The following SLCO3A1 variants were observed in gnomAD, a reference collection of about 807,000 sequenced individuals.
The protein encoded by SLCO3A1 is solute carrier organic anion transporter family member 3A1.
In SLCO3A1, 27 loss-of-function variants were observed where a neutral mutation model predicts 63.1. That is an observed-to-expected ratio of 0.43 (90% confidence interval 0.32 to 0.59). The LOEUF (loss-of-function observed/expected upper bound fraction) is 0.59, where lower values mean the gene tolerates loss of function less well. Ranked by LOEUF, SLCO3A1 falls within the 20% of genes least tolerant of loss-of-function variation. The probability of loss-of-function intolerance (pLI) is 0.09; values close to 1 mark genes in which losing one functional copy is unlikely to be tolerated. For synonymous variants in SLCO3A1, 473 were observed against 409.9 expected, an observed-to-expected ratio of 1.15 and a Z score of -1.86; for missense variants, 773 against 945.8, an observed-to-expected ratio of 0.82 and a Z score of 2.40.
At chr15:92,013,286 C>T (rs887088360) in intron 2 of SLCO3A1, among the ~76,000 whole-genome samples, 1 of 152,200 alleles carries the variant, frequency 6.6e-6, no homozygotes, top group African/African-American at 2.4e-5. Flanking sequence ...TATCTCATTT[C>T]GTGGATGAAT....
chr15:92,141,683 G>T (rs961356420), intron 7 of SLCO3A1, among the ~76,000 whole-genome samples: 7 of 152,122 alleles, frequency 4.6e-5, no homozygotes, highest in Non-Finnish European at 7.3e-5. Flanking sequence ...TCATCTCTCT[G>T]CACTCTGGGA....
At position 92,017,275 on chromosome 15, in the gene SLCO3A1, G is replaced by C. The variant is rs536774088; in HGVS notation, c.647-77606G>C. Among the ~76,000 whole-genome samples the C allele has an allele frequency of 3.4e-5, 5 of 149,086 alleles. No homozygotes were observed. In the South Asian group the frequency reaches 1.0e-3, roughly 31 times the overall value. ...GAATGTTGTTTCCATTGAGTTGGAG[G>C]AGCTGGGATTGGGGGGGGGTAGGGA... On this transcript the variant is annotated intron_variant, in intron 2 of 9. Transcript: ENST00000318445.
chr15:91,990,066 C>T (rs768094455), intron 2 of SLCO3A1, among the ~76,000 whole-genome samples: 30 of 152,158 alleles, frequency 2.0e-4, no homozygotes, highest in South Asian at 2.1e-4. Context: ...TTCTATCCTT[C>T]GCATACCATA....
At chr15:91,991,108 G>A (rs1490947612) in intron 2 of SLCO3A1, among the ~76,000 whole-genome samples, 3 of 152,168 alleles carry the variant, frequency 2.0e-5, no homozygotes, top group Admixed American at 6.5e-5. Context: ...AATGGCTCAC[G>A]CCTGTAATCC....
rs183110436 is a variant in SLCO3A1 at position 92,091,524 on chromosome 15, G to A, written c.647-3357G>A. On this transcript the variant is annotated intron_variant, in intron 2 of 9. Coordinates refer to ENST00000318445, the MANE Select transcript of SLCO3A1 (RefSeq NM_013272.4). ...CCAAGGAAGAAAGCTCAGCATAACC[G>A]TTGTTAGCTCAGAACCTGCCTTGCA... is the stretch of plus-strand genomic sequence containing the variant. Among the ~76,000 whole-genome samples the A allele has an allele frequency of 6.6e-5, 10 of 152,302 alleles. No homozygotes were observed. The East Asian group carries it at 7.7e-4, about 12-fold the overall frequency.
chr15:92,026,712 G>T (rs996778626), intron 2 of SLCO3A1, among the ~76,000 whole-genome samples: 4 of 152,188 alleles, frequency 2.6e-5, no homozygotes, highest in African/African-American at 9.7e-5. Flanking sequence ...GACCGTCATG[G>T]TTTTCATTAC....
At chr15:92,041,606 T>C (rs2046797583) in intron 2 of SLCO3A1, among the ~76,000 whole-genome samples, 1 of 152,200 alleles carries the variant, frequency 6.6e-6, no homozygotes, top group Admixed American at 6.5e-5. Context: ...ATGTCAGGTT[T>C]CACTGAATAT....
Position 92,165,527 on chromosome 15 carries a change from A to C in SLCO3A1, c.*2392A>C, listed in dbSNP as rs2151607437. 3.0e-6 allele frequency: 3 copies of C among 984,614 alleles called. No individual in the cohort carries two copies. Among genetic ancestry groups the C allele is most frequent in the African/African-American group, 1.7e-5 (1 of 57,308 alleles). 61.0% of individuals were successfully genotyped at this position (984,614 alleles called of 1,614,324 possible). A position where few individuals can be genotyped will look rare whatever the true frequency, so the allele number is the denominator to read the frequency against. On this transcript the variant is annotated 3_prime_UTR_variant, in exon 10 of 10. Transcript: ENST00000318445. ...GAGAAAAAAAAAAGAAAGTTTTTTA[A>C]ACTCTTTGCATTTTGGATTTTTTTT...
chr15:91,965,050 C>G (rs1402496774), intron 2 of SLCO3A1, among the ~76,000 whole-genome samples: 1 of 152,088 alleles, frequency 6.6e-6, no homozygotes, highest in Non-Finnish European at 1.5e-5. Context: ...GACCTCAGCT[C>G]CCCCATGACA....
intron 4 of SLCO3A1, among the ~76,000 whole-genome samples, chr15:92,107,223 C>A (rs1309141092): frequency 6.6e-6 from 1 of 152,150 alleles, no homozygotes. Flanking sequence ...TTCCCAGAGG[C>A]AATTGGCCCA....
chr15:91,999,561 T>G (rs1423825595), intron 2 of SLCO3A1, among the ~76,000 whole-genome samples: 1 of 152,174 alleles, frequency 6.6e-6, no homozygotes, highest in East Asian at 1.9e-4. Flanking sequence ...GTCCTACACC[T>G]TTCAGATTGG....
At chr15:92,064,632 C>T (rs1237912008) in intron 2 of SLCO3A1, among the ~76,000 whole-genome samples, 1 of 152,152 alleles carries the variant, frequency 6.6e-6, no homozygotes, top group Non-Finnish European at 1.5e-5. Flanking sequence ...CATTAGTACC[C>T]ATCAACGGAT....
chr15:91,991,569 A>AG (rs1336534383), intron 2 of SLCO3A1, among the ~76,000 whole-genome samples: 1 of 152,224 alleles, frequency 6.6e-6, no homozygotes, highest in Admixed American at 6.5e-5. Context: ...AAAATTTTCT[A>AG]GTAGCCATGT....
At chr15:92,106,789 G>T (rs2047672545) in intron 4 of SLCO3A1, among the ~76,000 whole-genome samples, 2 of 152,194 alleles carry the variant, frequency 1.3e-5, no homozygotes, top group Admixed American at 6.5e-5. Flanking sequence ...CAGAAATGCA[G>T]CAAAGAGGCA....
At chr15:91,978,382 C>T (rs1463006503) in intron 2 of SLCO3A1, among the ~76,000 whole-genome samples, 12 of 152,162 alleles carry the variant, frequency 7.9e-5, no homozygotes, top group African/African-American at 2.2e-4. Context: ...CTGGCATCCA[C>T]GCAAGGAAAA....
chr15:91,868,042 G>A (rs4932580), intron 1 of SLCO3A1, among the ~76,000 whole-genome samples: 118,553 of 152,066 alleles, frequency 0.78, 46,531 homozygotes, highest in East Asian at 0.88. Flanking sequence ...CTTCAAGTTC[G>A]TGCTTTTTTT....
At chr15:92,135,985 T>C (rs775033125) in intron 7 of SLCO3A1, among the ~76,000 whole-genome samples, 2 of 152,012 alleles carry the variant, frequency 1.3e-5, no homozygotes, top group Non-Finnish European at 2.9e-5. Flanking sequence ...TTGGGCAACA[T>C]AGTGAGACCC....
chr15:92,148,948 A>G (rs761621327), intron 8 of SLCO3A1: 6 of 152,230 alleles, frequency 3.9e-5, no homozygotes, highest in African/African-American at 1.4e-4. Context: ...GACAAAACCC[A>G]TCAGATCTCA....
rs142686082 is a variant in SLCO3A1, at chr15:91,979,866, A to C, written c.646+63408A>C. Among the ~76,000 whole-genome samples the C allele has an allele frequency of 2.9e-3, 447 of 152,312 alleles. 3 individuals carry two copies. Among genetic ancestry groups the C allele is most frequent in the African/African-American group, 0.01 (434 of 41,554 alleles). On this transcript the variant is annotated intron_variant, in intron 2 of 9. Coordinates refer to ENST00000318445, the MANE Select transcript of SLCO3A1 (RefSeq NM_013272.4). ...TTATTAGTAATTTCTTAGGGTGTAC[A>C]AACTATTGGTGAGGATCATGGCATT...
Sources: gnomAD v4.1 joint callset for allele counts (sites outside exome capture counted in the v4.1 genomes callset) on GRCh38, gnomAD v4.1.1 for gene constraint, MANE v1.5 for transcripts, NCBI Gene and HGNC (gene_info 2026-07-23, HGNC 2026-07-21) for gene names.